The following NLRC5 variants were observed in gnomAD, a reference collection of about 807,000 sequenced individuals.
The protein encoded by NLRC5 is NLR family CARD domain containing 5.
In NLRC5, 114 loss-of-function variants were observed where a neutral mutation model predicts 206.9. The observed-to-expected ratio is 0.55, with a 90% CI of 0.47 to 0.64. NLRC5 has a LOEUF of 0.64. Among genes scored for constraint, NLRC5 ranks in the 30% least tolerant of loss-of-function variants. The pLI is 0.00. For synonymous variants in NLRC5, 952 were observed against 962.8 expected (o/e 0.99, Z 0.21); for missense variants, 2,008 against 2,305.5 (o/e 0.87, Z 2.64).
At chr16:57,075,233 T>A (rs1221218161) in intron 39 of NLRC5, among the ~76,000 whole-genome samples, 5 of 152,088 alleles carry the variant, frequency 3.3e-5, no homozygotes, top group African/African-American at 1.2e-4. Context: ...GTTTGTTTGT[T>A]TTTGAGACAG....
intron 16 of NLRC5, among the ~76,000 whole-genome samples, chr16:57,040,348 A>G (rs1282097083): frequency 2.0e-5 from 3 of 152,226 alleles, no homozygotes; most frequent in African/African-American, 7.2e-5. Flanking sequence ...TGGGGCTGAC[A>G]TCTCTGAAGC....
At chr16:57,049,560 AC>A (rs1226153521) in intron 23 of NLRC5, among the ~76,000 whole-genome samples, 1 of 151,902 alleles carries the variant, frequency 6.6e-6, no homozygotes, top group Non-Finnish European at 1.5e-5. Context: ...ACATAGTGAA[AC>A]CCCATCTCTA....
At chr16:57,027,951 C>T (rs185355896) in intron 6 of NLRC5, 121 bp from the exon 7 acceptor site, 76 of 585,676 alleles carry the variant, frequency 1.3e-4, no homozygotes, top group Admixed American at 3.7e-4. Flanking sequence ...TTAGAAGTCT[C>T]GGCCATAATA....
intron 4 of NLRC5, among the ~76,000 whole-genome samples, chr16:57,022,546 A>G (rs1428012152): frequency 2.0e-5 from 3 of 152,128 alleles, no homozygotes; most frequent in African/African-American, 7.2e-5. Context: ...CCCGTTACCA[A>G]TTCTAAAGGG....
Position 57,070,598 on chromosome 16 carries a change from A to T in NLRC5, c.4647A>T (p.Lys1549Asn), listed in dbSNP as rs1341713580. The T allele has an allele frequency of 6.2e-7, 1 of 1,613,974 alleles. No homozygotes were observed. Among genetic ancestry groups the T allele is most frequent in the African/African-American group, 1.3e-5 (1 of 74,932 alleles). Residue 1549 changes from lysine (K) to asparagine (N), a missense_variant, in exon 38 of 49, where the codon AAA becomes AAT. By Grantham distance (94) the Lys-to-Asn change is moderately conservative. Coordinates refer to ENST00000688547, the MANE Select transcript of NLRC5 (RefSeq NM_001384950.1). ...CGCTGATGAGGGCCCTTGAGGGGAA[A>T]TGGATGCTAAAGAGGCTGGAGTAAG... is the stretch of plus-strand genomic sequence containing the variant. ...TKALMRALEG[K>N]WMLKRLDLSH...
rs1236262111 is a variant in NLRC5, at chr16:57,051,632, A to T, written c.3506+11A>T. On this transcript the variant is annotated intron_variant, in intron 24 of 48. Coordinates refer to ENST00000688547, the MANE Select transcript of NLRC5 (RefSeq NM_001384950.1). ...GCTGAGCCTGCTGCAGTAAGACGAG[A>T]GTTTTTCCTATTTCCCGGTTCCTTG... The T allele has an allele frequency of 1.9e-6, 3 of 1,608,274 alleles. No individual in the cohort carries two copies. The South Asian group carries it at 3.3e-5, about 18-fold the overall frequency.
intron 15 of NLRC5, 118 bp downstream of exon 15, chr16:57,037,402 C>T (rs1303006953): frequency 1.5e-5 from 13 of 885,538 alleles, no homozygotes; most frequent in Admixed American, 1.4e-4. Flanking sequence ...GCTGCTGTCC[C>T]ACCCAGACCC....
rs1315539216 is a variant in NLRC5, at chr16:57,043,189, TC to T, written c.3114-323del. ...TTCATTTTGTCCTGGGTACCACCCCTCCCTTATCAGGTGGAGAAAAGGAGGC... is the reference window on the plus strand; with the variant it reads ...TTCATTTTGTCCTGGGTACCACCCCTCCTTATCAGGTGGAGAAAAGGAGGC... On this transcript the variant is annotated intron_variant, in intron 19 of 48. Coordinates refer to ENST00000688547, the MANE Select transcript of NLRC5 (RefSeq NM_001384950.1). Among the ~76,000 whole-genome samples the T allele has an allele frequency of 3.3e-5, 5 of 152,244 alleles. No homozygotes were observed. In the East Asian group the frequency reaches 9.6e-4, roughly 29 times the overall value.
intron 2 of NLRC5, among the ~76,000 whole-genome samples, chr16:57,018,387 A>G (rs2060303795): frequency 1.3e-5 from 2 of 152,326 alleles, no homozygotes; most frequent in African/African-American, 2.4e-5. Flanking sequence ...GACTGTGGGC[A>G]CACCCTTTGC....
intron 1 of NLRC5, among the ~76,000 whole-genome samples, chr16:56,993,833 A>G (rs2057264807): frequency 1.3e-5 from 2 of 152,044 alleles, no homozygotes; most frequent in African/African-American, 4.8e-5. Context: ...TGTCTATTAT[A>G]TGGTTATACT....
rs780666949 is a variant in NLRC5, at chr16:57,022,285, A to G, written c.325A>G (p.Lys109Glu). The G allele has an allele frequency of 2.5e-6, 4 of 1,611,368 alleles. No individual in the cohort carries two copies. The highest frequency in any genetic ancestry group is 3.4e-6 in the Non-Finnish European group (4 of 1,177,974). Residue 109 changes from lysine to glutamate, a missense_variant, in exon 4 of 49, where the codon AAA becomes GAA. By Grantham distance (56) the Lys-to-Glu change is moderately conservative (BLOSUM62 1). Transcript: ENST00000688547. ...CACCAGCCAGCTGGGAGCTGAGGGG[A>G]AAAGCCAACCTGAATCTCAGCTCCA... is the stretch of plus-strand genomic sequence containing the variant. ...GFTSQLGAEG[K>E]SQPESQLHHG...
Position 57,021,789 on chromosome 16 carries a change from T to C in NLRC5, c.296-467T>C, listed in dbSNP as rs557680189. ...TGGGCACCTTCTGTTTGCACAGCAC[T>C]GAGGGGAAACACAGGACATTGAGGG... On this transcript the variant is annotated intron_variant, in intron 3 of 48. Transcript: ENST00000688547. Among the ~76,000 whole-genome samples the C allele has an allele frequency of 1.5e-3, 229 of 152,274 alleles. 1 individual carries two copies. The highest frequency in any genetic ancestry group is 5.4e-3 in the African/African-American group (223 of 41,544).
chr16:57,041,293 C>T (rs2063252784), intron 17 of NLRC5, 192 bp from the exon 18 acceptor site: 2 of 573,788 alleles, frequency 3.5e-6, no homozygotes, highest in African/African-American at 3.8e-5. Context: ...CACCCTCTGC[C>T]TATATGTGAC....
intron 10 of NLRC5, among the ~76,000 whole-genome samples, chr16:57,030,382 AGATGGATG>A (rs57070160): frequency 1.5e-4 from 16 of 105,030 alleles, no homozygotes; most frequent in Admixed American, 6.7e-4. Flanking sequence ...GTGGATGAAA[AGATGGATG>A]GATGGATGGA....
Position 57,083,298 on chromosome 16 carries a change from CTG to C in NLRC5, c.*772_*773del, listed in dbSNP as rs2069351716. 6.6e-6 allele frequency: 1 copy of C among 152,326 alleles called. No individual in the cohort carries two copies. The highest frequency in any genetic ancestry group is 1.5e-5 in the Non-Finnish European group (1 of 68,108). The allele number at this position is 152,326 out of a possible 1,614,324, so 9.4% of individuals were successfully genotyped here. A position where few individuals can be genotyped will look rare whatever the true frequency, so the allele number is the denominator to read the frequency against. ...CCTGGCGGGAGTGGAGAAGCCCAGT[CTG>C]TCCTATGTAAGGGACAAAGCCAGGT... is the stretch of plus-strand genomic sequence containing the variant. On this transcript the variant is annotated 3_prime_UTR_variant, in exon 49 of 49. Coordinates refer to ENST00000688547, the MANE Select transcript of NLRC5 (RefSeq NM_001384950.1).
intron 8 of NLRC5, among the ~76,000 whole-genome samples, chr16:57,029,274 T>C (rs1339811600): frequency 6.6e-6 from 1 of 152,216 alleles, no homozygotes; most frequent in African/African-American, 2.4e-5. Context: ...CTCATCTGTC[T>C]CCCCAGCTAG....
chr16:57,015,773 C>T lies in NLRC5; in HGVS notation c.-127-1301C>T, dbSNP rs1202236713. Reference sequence around the variant, plus strand: ...AGAAACCCCTTCTCTACTAAAAATACAAAATTAGCCGGGTGTAGTGGCACA... The same window carrying T: ...AGAAACCCCTTCTCTACTAAAAATATAAAATTAGCCGGGTGTAGTGGCACA... On this transcript the variant is annotated intron_variant, in intron 1 of 48. Transcript: ENST00000688547. Among the ~76,000 whole-genome samples the T allele has an allele frequency of 2.6e-5, 4 of 151,226 alleles. No individual in the cohort carries two copies. In the South Asian group the frequency reaches 6.3e-4, roughly 24 times the overall value.
At chr16:57,062,117 A>G (rs2066587966) in intron 32 of NLRC5, 1 of 1,078,942 alleles carries the variant, frequency 9.3e-7, no homozygotes, top group Non-Finnish European at 1.2e-6. Context: ...ACAGTTGTTC[A>G]TACTTTTTTT....
At chr16:57,015,718 G>A (rs1057014456) in intron 1 of NLRC5, among the ~76,000 whole-genome samples, 4 of 151,518 alleles carry the variant, frequency 2.6e-5, no homozygotes, top group African/African-American at 7.3e-5. Context: ...ACCTGAAGTC[G>A]GGAGTTCAAG....
Sources: allele counts gnomAD v4.1 joint callset (sites outside exome capture counted in the v4.1 genomes callset), GRCh38; gene constraint gnomAD v4.1.1; transcripts MANE v1.5; gene names NCBI Gene and HGNC (gene_info 2026-07-23, HGNC 2026-07-21).